Variants in PGPEP1 observed in about 807,000 individuals in gnomAD.
PGPEP1 encodes the protein pyroglutamyl-peptidase I.
In PGPEP1, 15 loss-of-function variants were observed where a neutral mutation model predicts 24.1. The ratio of observed to expected loss-of-function variants is 0.62; its 90% CI spans 0.42 to 0.96. The LOEUF is 0.96. Among genes scored for constraint, PGPEP1 ranks in the 40% least tolerant of loss-of-function variants. PGPEP1 has a pLI of 0.00. For synonymous variants in PGPEP1, 122 were observed against 116.4 expected, an observed-to-expected ratio of 1.05 and a Z score of -0.31; for missense variants, 242 against 273.4, an observed-to-expected ratio of 0.89 and a Z score of 0.81.
intron 4 of PGPEP1, among the ~76,000 whole-genome samples, chr19:18,359,074 G>T (rs1971271337): frequency 6.6e-6 from 1 of 151,966 alleles, no homozygotes; most frequent in South Asian, 2.1e-4. Context: ...GATCGCTTGA[G>T]CCCAGGAGTT....
chr19:18,352,266 C>CTAAAAAAAAAAAAAAAAAAAAAAAA (rs1971051968), intron 2 of PGPEP1, among the ~76,000 whole-genome samples: 1 of 43,664 alleles, frequency 2.3e-5, no homozygotes, highest in Non-Finnish European at 4.3e-5. Context: ...GACTCCGTCT[C>CTAAAAAAAAAAAAAAAAAAAAAAAA]AAAAAAAAAA....
At chr19:18,346,516 CTCTG>C (rs774773221) in intron 2 of PGPEP1, among the ~76,000 whole-genome samples, 21 of 151,996 alleles carry the variant, frequency 1.4e-4, no homozygotes, top group Non-Finnish European at 2.6e-4. Flanking sequence ...CTGGGTCTCT[CTCTG>C]TCTCTTTCCT....
intron 1 of PGPEP1, among the ~76,000 whole-genome samples, chr19:18,341,188 C>T (rs964234657): frequency 3.9e-5 from 6 of 152,124 alleles, no homozygotes; most frequent in Non-Finnish European, 7.4e-5. Flanking sequence ...AGTCACTGCT[C>T]GCCGCGCCCT....
intron 2 of PGPEP1, among the ~76,000 whole-genome samples, chr19:18,352,226 T>G (rs1971049702): frequency 1.6e-5 from 2 of 127,044 alleles, no homozygotes; most frequent in African/African-American, 5.9e-5. Flanking sequence ...GAGCCAAGAT[T>G]GCGGCACGCC....
At chr19:18,359,571 G>A (rs1026208645) in intron 4 of PGPEP1, among the ~76,000 whole-genome samples, 3 of 149,202 alleles carry the variant, frequency 2.0e-5, no homozygotes, top group Admixed American at 6.8e-5. Context: ...GCATTGGCGC[G>A]ATCTTGGCTC....
chr19:18,345,741 A>AAG (rs1970819452), intron 2 of PGPEP1, among the ~76,000 whole-genome samples: 1 of 150,998 alleles, frequency 6.6e-6, no homozygotes, highest in Admixed American at 6.6e-5. Flanking sequence ...AAAAAAAAAA[A>AAG]AAAAGAAAAG....
chr19:18,346,366 C>T (rs1361939508), intron 2 of PGPEP1, among the ~76,000 whole-genome samples: 13 of 152,234 alleles, frequency 8.5e-5, no homozygotes, highest in Non-Finnish European at 1.0e-4. Context: ...TGTTGCCAGG[C>T]GTCACCTCCA....
chr19:18,361,908 A>AT (rs1001435719), intron 4 of PGPEP1: 8 of 983,556 alleles, frequency 8.1e-6, no homozygotes, highest in African/African-American at 3.5e-5. Context: ...CGAGTTCTCC[A>AT]TTTTTTTCTG....
At chr19:18,361,852 A>C (rs2144579552) in intron 4 of PGPEP1, 1 of 985,292 alleles carries the variant, frequency 1.0e-6, no homozygotes, top group African/African-American at 1.7e-5. Flanking sequence ...CTTACTGAGA[A>C]TTCTCATCCT....
chr19:18,357,017 G>A (rs767224053), intron 3 of PGPEP1, among the ~76,000 whole-genome samples: 4 of 152,128 alleles, frequency 2.6e-5, no homozygotes, highest in Admixed American at 6.5e-5. Flanking sequence ...CAGCCTGGGC[G>A]ACAGAGCAAG....
Position 18,366,773 on chromosome 19 carries a change from G to A in PGPEP1, c.*3190G>A, listed in dbSNP as rs1005989515. 6.6e-6 allele frequency: 1 copy of A among 152,042 alleles called. No individual in the cohort carries two copies. Among genetic ancestry groups the A allele is most frequent in the African/African-American group, 2.4e-5 (1 of 41,382 alleles). 9.4% of individuals were successfully genotyped at this position (152,042 alleles called of 1,614,324 possible). On this transcript the variant is annotated 3_prime_UTR_variant, in exon 5 of 5. Coordinates refer to ENST00000269919, the MANE Select transcript of PGPEP1 (RefSeq NM_017712.4). ...GGTGTGAGCTACTGCGCCTGGCCAA[G>A]TTTTTTACAAATATTTTTCTTTTGG...
At chr19:18,340,995 A>G (rs562720776) in intron 1 of PGPEP1, among the ~76,000 whole-genome samples, 3 of 152,150 alleles carry the variant, frequency 2.0e-5, no homozygotes, top group South Asian at 2.1e-4. Context: ...TTTCCTCCCA[A>G]GGTGGGGATG....
chr19:18,344,590 CT>C (rs35966838), intron 2 of PGPEP1, among the ~76,000 whole-genome samples: 44,495 of 141,006 alleles, frequency 0.32, 7,676 homozygotes, highest in Middle Eastern at 0.47. Flanking sequence ...GGCTGTTTCC[CT>C]TTTTTTTTTT....
Position 18,355,881 on chromosome 19 carries a change from C to T in PGPEP1, c.88-14C>T, listed in dbSNP as rs1376548866. 3.9e-6 allele frequency: 6 copies of T among 1,555,752 alleles called. No homozygotes were observed. Among genetic ancestry groups the T allele is most frequent in the Non-Finnish European group, 5.3e-6 (6 of 1,127,084 alleles). On this transcript the variant is annotated splice_polypyrimidine_tract_variant and intron_variant, in intron 2 of 4. Coordinates refer to ENST00000269919, the MANE Select transcript of PGPEP1 (RefSeq NM_017712.4). ...CATCTGGGGCCATGACACTCCCACT[C>T]TCCTCTCTTCCAGGAGCTAGAAAAG...
intron 3 of PGPEP1, among the ~76,000 whole-genome samples, 190 bp downstream of exon 3, chr19:18,356,201 G>A (rs1393200712): frequency 6.6e-6 from 1 of 152,166 alleles, no homozygotes; most frequent in African/African-American, 2.4e-5. Context: ...GGGAGGCCGA[G>A]GCAGGTGGAT....
Position 18,363,690 on chromosome 19 carries a change from C to T in PGPEP1, c.*107C>T, listed in dbSNP as rs555211694. The T allele has an allele frequency of 2.2e-5, 16 of 740,216 alleles. No individual in the cohort carries two copies. The highest frequency in any genetic ancestry group is 3.7e-4 in the Middle Eastern group (1 of 2,726). 45.9% of individuals were successfully genotyped at this position (740,216 alleles called of 1,614,324 possible). On this transcript the variant is annotated 3_prime_UTR_variant, in exon 5 of 5. Transcript: ENST00000269919. ...AGACAAGCTCTTCAGCTTGGGGATC[C>T]GATCTGGAAGAGAGATTCTGATCTG...
At chr19:18,348,923 AT>A (rs927005747) in intron 2 of PGPEP1, 1 of 164,022 alleles carries the variant, frequency 6.1e-6, no homozygotes, top group African/African-American at 2.4e-5. Flanking sequence ...TGCCTGGCTA[AT>A]TTTTTAAATT....
At position 18,357,503 on chromosome 19, in the gene PGPEP1, G is replaced by A. The variant is rs201898854; in HGVS notation, c.325G>A (p.Val109Met). The change falls in exon 4 of 5, where the codon GTG becomes ATG. Residue 109 changes from valine to methionine, a missense_variant. Physicochemically the swap from Val to Met is conservative, Grantham distance 21. Coordinates refer to ENST00000269919, the MANE Select transcript of PGPEP1 (RefSeq NM_017712.4). ...CTTTTGCCCCGGCTCCCAGTGCTGCGTGGAGGACGGGCCTGAAAGCATTGA... is the reference window on the plus strand; with the variant it reads ...CTTTTGCCCCGGCTCCCAGTGCTGCATGGAGGACGGGCCTGAAAGCATTGA... ...CRFCPGSQCC[V>M]EDGPESIDSI... 2.7e-5 allele frequency: 43 copies of A among 1,613,478 alleles called. No individual in the cohort carries two copies. The highest frequency in any genetic ancestry group is 1.7e-4 in the Admixed American group (10 of 59,906).
At chr19:18,342,780 G>C (rs916428054) in intron 1 of PGPEP1, 79 bp from the exon 2 acceptor site, 130 of 1,082,472 alleles carry the variant, frequency 1.2e-4, no homozygotes, top group Non-Finnish European at 1.8e-4. Context: ...TGCTTCTCCA[G>C]GTGGGAGTAG....
Sources: gnomAD v4.1 joint callset for allele counts (sites outside exome capture counted in the v4.1 genomes callset) on GRCh38, gnomAD v4.1.1 for gene constraint, MANE v1.5 for transcripts, NCBI Gene and HGNC (gene_info 2026-07-23, HGNC 2026-07-21) for gene names.